DOCK7: variants seen among roughly 807,000 people sequenced by gnomAD.
DOCK7 encodes dedicator of cytokinesis protein 7.
DOCK7 carries 138 observed loss-of-function variants against 271.0 expected under a neutral mutation model. That is an observed-to-expected ratio of 0.51 (90% CI 0.44 to 0.59). The LOEUF (loss-of-function observed/expected upper bound fraction) is 0.59, where lower values mean the gene tolerates loss of function less well. DOCK7 is among the 20% of genes least tolerant of loss of function. The pLI is 0.00. For synonymous variants in DOCK7, 823 were observed against 876.1 expected, an observed-to-expected ratio of 0.94 and a Z score of 1.07; for missense variants, 2,066 against 2,592.4, an observed-to-expected ratio of 0.80 and a Z score of 4.41.
At chr1:62,594,161 G>A (rs909012684) in intron 14 of DOCK7, among the ~76,000 whole-genome samples, 2 of 151,992 alleles carry the variant, frequency 1.3e-5, no homozygotes, top group African/African-American at 4.8e-5. Context: ...TTTGATCAGG[G>A]TTCTATTTAA....
At chr1:62,674,724 AAC>A (rs943872494) in intron 1 of DOCK7, among the ~76,000 whole-genome samples, 7 of 152,230 alleles carry the variant, frequency 4.6e-5, no homozygotes, top group African/African-American at 1.7e-4. Flanking sequence ...TATTCTTTTC[AAC>A]AGTGTTGCAA....
intron 2 of DOCK7, among the ~76,000 whole-genome samples, chr1:62,661,013 C>A (rs535413706): frequency 1.1e-4 from 17 of 151,322 alleles, no homozygotes; most frequent in African/African-American, 3.9e-4. Flanking sequence ...ATGGGAGGAT[C>A]ACTTGAGCCT....
At chr1:62,490,419 G>A (rs983931289) in intron 41 of DOCK7, among the ~76,000 whole-genome samples, 1 of 152,154 alleles carries the variant, frequency 6.6e-6, no homozygotes, top group East Asian at 1.9e-4. Context: ...TTTAATAATG[G>A]ATTGGTGCTG....
Position 62,543,699 on chromosome 1 carries a change from G to A in DOCK7, c.2906C>T (p.Ser969Leu), listed in dbSNP as rs529198588. ...TCCCGTTAATGTTTGTAAGAAACTT[G>A]ACGTCTCTGTGTGCGAAGACATACG... The part of the protein sequence containing the change: ...CNRMSSHTET[S>L]SFLQTLTGRL... The change falls in exon 24 of 50, where the codon TCA becomes TTA. Residue 969 changes from serine (S) to leucine (L), a missense_variant. Around this residue, in one of 2 missense-constraint regions of DOCK7, gnomAD observed 1,414 missense variants for 1,670.4 expected, o/e 0.85. Coordinates refer to ENST00000635253, the MANE Select transcript of DOCK7 (RefSeq NM_001367561.1). 1.2e-6 allele frequency: 2 copies of A among 1,604,822 alleles called. No homozygotes were observed. The highest frequency in any genetic ancestry group is 4.5e-5 in the East Asian group (2 of 44,732).
At chr1:62,503,008 A>C (rs1646830333) in intron 37 of DOCK7, among the ~76,000 whole-genome samples, 1 of 152,178 alleles carries the variant, frequency 6.6e-6, no homozygotes, top group South Asian at 2.1e-4. Flanking sequence ...TAATACCATA[A>C]GAGATGAAAT....
chr1:62,519,768 C>T (rs892887453), intron 31 of DOCK7, among the ~76,000 whole-genome samples: 1 of 151,978 alleles, frequency 6.6e-6, no homozygotes, highest in Non-Finnish European at 1.5e-5. Flanking sequence ...ATAAGATACA[C>T]ATTTTTTAAA....
chr1:62,615,286 T>C (rs759847115), intron 14 of DOCK7, among the ~76,000 whole-genome samples: 6 of 151,830 alleles, frequency 4.0e-5, no homozygotes, highest in Non-Finnish European at 7.4e-5. Flanking sequence ...AGTATCTAAT[T>C]TTCTCTACTT....
At chr1:62,521,699 G>C (rs574908141) in intron 31 of DOCK7, among the ~76,000 whole-genome samples, 2 of 152,342 alleles carry the variant, frequency 1.3e-5, no homozygotes, top group African/African-American at 4.8e-5. Context: ...AAGAAGACCA[G>C]GTGCAGTGGT....
At chr1:62,578,717 CAAAAAAA>C in intron 17 of DOCK7, 104 bp downstream of exon 17, 7 of 302,774 alleles carry the variant, frequency 2.3e-5, no homozygotes, top group Non-Finnish European at 3.1e-5. Flanking sequence ...GACTCTGTCT[CAAAAAAA>C]AAAAAAAAAA....
chr1:62,457,939 C>T, intron 48 of DOCK7: 2 of 431,888 alleles, frequency 4.6e-6, no homozygotes, highest in Non-Finnish European at 8.3e-6. Flanking sequence ...CACTTGAGCC[C>T]AGGAGTTCTG....
rs1000718769 is a variant in DOCK7 at position 62,600,934 on chromosome 1, T to C, written c.1683-14310A>G. On this transcript the variant is annotated intron_variant, in intron 14 of 49. Coordinates refer to ENST00000635253, the MANE Select transcript of DOCK7 (RefSeq NM_001367561.1). ...TTTTGAGAACAGGTAATCTGTACAA[T>C]CTGAATAACACTGTTTATCTAAATA... 36 of 610,976 alleles carry C rather than the reference T, an allele frequency of 5.9e-5. 1 individual carries two copies. In the South Asian group the frequency reaches 7.1e-4, roughly 12 times the overall value. 37.8% of individuals were successfully genotyped at this position (610,976 alleles called of 1,614,324 possible).
chr1:62,626,768 C>A (rs1654007318), intron 11 of DOCK7, among the ~76,000 whole-genome samples: 1 of 152,018 alleles, frequency 6.6e-6, no homozygotes, highest in Non-Finnish European at 1.5e-5. Flanking sequence ...AAAAAACTTA[C>A]CACAAAGAAA....
intron 14 of DOCK7, among the ~76,000 whole-genome samples, chr1:62,613,568 TTAAAC>T (rs1331159643): frequency 6.6e-6 from 1 of 152,136 alleles, no homozygotes; most frequent in African/African-American, 2.4e-5. Flanking sequence ...TAAAAGTAAA[TTAAAC>T]TAATATAGAC....
At chr1:62,652,429 C>T (rs567237789) in intron 4 of DOCK7, among the ~76,000 whole-genome samples, 6 of 151,850 alleles carry the variant, frequency 4.0e-5, no homozygotes, top group Non-Finnish European at 5.9e-5. Flanking sequence ...AATCTGATGC[C>T]CCTATATTCC....
chr1:62,456,410 C>T (rs553168408), intron 49 of DOCK7, among the ~76,000 whole-genome samples: 1 of 152,116 alleles, frequency 6.6e-6, no homozygotes, highest in South Asian at 2.1e-4. Context: ...ATCCTTCGTG[C>T]CATTAAGGTT....
At chr1:62,545,704 A>T (rs1645682476) in intron 22 of DOCK7, among the ~76,000 whole-genome samples, 1 of 152,132 alleles carries the variant, frequency 6.6e-6, no homozygotes, top group African/African-American at 2.4e-5. Flanking sequence ...TGTTTATAGG[A>T]ATTATATCTT....
intron 43 of DOCK7, chr1:62,482,314 C>T (rs906193653): frequency 6.6e-6 from 1 of 150,524 alleles, no homozygotes; most frequent in African/African-American, 2.5e-5. Flanking sequence ...GGAAGTTAAA[C>T]TCTAATATAT....
intron 37 of DOCK7, among the ~76,000 whole-genome samples, chr1:62,499,474 G>A (rs540176328): frequency 6.6e-6 from 1 of 152,280 alleles, no homozygotes; most frequent in East Asian, 1.9e-4. Flanking sequence ...CACAAGCTAA[G>A]TTAGGAAGCA....
intron 14 of DOCK7, chr1:62,601,908 C>T (rs1433362929): frequency 2.7e-6 from 4 of 1,464,214 alleles, no homozygotes; most frequent in South Asian, 1.1e-5. Flanking sequence ...GGAGAATAGA[C>T]AGTAGTTAGT....
Sources: gnomAD v4.1 joint callset for allele counts (sites outside exome capture counted in the v4.1 genomes callset) on GRCh38, gnomAD v4.1.1 for gene constraint, gnomAD v4.1.1 regional missense constraint, MANE v1.5 for transcripts, NCBI Gene and HGNC (gene_info 2026-07-23, HGNC 2026-07-21) for gene names.